LTN1: variants seen among roughly 807,000 people sequenced by gnomAD.
LTN1 encodes E3 ubiquitin-protein ligase listerin.
A neutral mutation model predicts 201.2 loss-of-function variants in LTN1; 88 were observed. That is an observed-to-expected ratio of 0.44 (90% CI 0.37 to 0.52). The LOEUF is 0.52. Among genes scored for constraint, LTN1 ranks in the 20% least tolerant of loss-of-function variants. LTN1 has a pLI of 0.00. For missense variants in LTN1, 1,752 were observed against 2,038.7 expected, an observed-to-expected ratio of 0.86 and a Z score of 2.71; for synonymous variants, 645 against 713.5, an observed-to-expected ratio of 0.90 and a Z score of 1.53.
chr21:28,960,384 AG>A (rs1601189427), intron 12 of LTN1, 132 bp downstream of exon 12: 3 of 647,636 alleles, frequency 4.6e-6, no homozygotes, highest in Non-Finnish European at 7.4e-6. Context: ...AGAAAAGAAA[AG>A]AAAAAAAAAA....
chr21:28,969,706 T>TGC, intron 8 of LTN1, 105 bp from the exon 9 acceptor site: 1 of 713,162 alleles, frequency 1.4e-6, no homozygotes, highest in Non-Finnish European at 2.2e-6. Flanking sequence ...GAAGAAACAT[T>TGC]TTTAAAGCAG....
chr21:28,956,236 G>A (rs2084424635), intron 16 of LTN1, among the ~76,000 whole-genome samples: 1 of 152,024 alleles, frequency 6.6e-6, no homozygotes, highest in African/African-American at 2.4e-5. Flanking sequence ...AGTTAACAAT[G>A]ATTTATATTG....
rs1483356441 is a variant in LTN1 at position 28,966,487 on chromosome 21, A to G, written c.2004T>C (p.Gly668=). The G allele has an allele frequency of 1.9e-6, 3 of 1,614,152 alleles. No homozygotes were observed. Among genetic ancestry groups the G allele is most frequent in the South Asian group, 2.2e-5 (2 of 91,086 alleles). Residue 668 remains glycine (G), a synonymous_variant, in exon 10 of 30, where the codon GGT becomes GGC. Transcript: ENST00000361371. ...CCTTCCTTTGATCTTCATTTAGCCA[A>G]CCTATCAGTTTCTGGTATAAAAACT... ...AVQFLYQKLI[G]WLNEDQRKDF... is the part of the protein sequence containing the mutation.
At chr21:28,966,070 G>A (rs2084519831) in intron 10 of LTN1, among the ~76,000 whole-genome samples, 164 bp from the exon 11 acceptor site, 1 of 152,178 alleles carries the variant, frequency 6.6e-6, no homozygotes, top group Non-Finnish European at 1.5e-5. Flanking sequence ...AACATGCCCA[G>A]CTAAAACTTT....
chr21:28,989,683 A>G (rs983874092), intron 1 of LTN1, among the ~76,000 whole-genome samples: 5 of 152,064 alleles, frequency 3.3e-5, no homozygotes, highest in Admixed American at 6.6e-5. Context: ...TTATGCTGCC[A>G]TCATTCATGC....
intron 5 of LTN1, among the ~76,000 whole-genome samples, chr21:28,982,065 A>G (rs2084662997): frequency 6.6e-6 from 1 of 152,114 alleles, no homozygotes; most frequent in Non-Finnish European, 1.5e-5. Flanking sequence ...AAATACAAAA[A>G]AATTAGCCAG....
intron 6 of LTN1, among the ~76,000 whole-genome samples, chr21:28,971,645 G>A (rs997651444): frequency 1.3e-5 from 2 of 152,312 alleles, no homozygotes; most frequent in Non-Finnish European, 2.9e-5. Flanking sequence ...AAGGCTGAAA[G>A]AATTAATTCA....
chr21:28,958,145 A>G (rs757269739), intron 14 of LTN1, among the ~76,000 whole-genome samples: 2 of 152,196 alleles, frequency 1.3e-5, no homozygotes, highest in Non-Finnish European at 2.9e-5. Context: ...TTGTTACCTA[A>G]CAAGTCACTT....
At chr21:28,971,113 C>T (rs1026708884) in intron 7 of LTN1, among the ~76,000 whole-genome samples, 158 bp downstream of exon 7, 1 of 152,098 alleles carries the variant, frequency 6.6e-6, no homozygotes, top group Non-Finnish European at 1.5e-5. Context: ...ACTGGCAAAA[C>T]AAAATAAAAT....
rs2084336570 is a variant in LTN1, at chr21:28,946,224, T to A, written c.3551A>T (p.Glu1184Val). 1 of 1,589,914 alleles carries A rather than the reference T, an allele frequency of 6.3e-7. No homozygotes were observed. The highest frequency in any genetic ancestry group is 8.6e-7 in the Non-Finnish European group (1 of 1,169,088). ...CLQTKSIDDG[E>V]LLHGILKIII... ...GATTTTTAATATTCCATGTAATAGC[T>A]CTCCATCATCTATACTTTTGGTTTG... Residue 1184 changes from glutamate to valine, a missense_variant, in exon 20 of 30, where the codon GAG becomes GTG. By Grantham distance (121) the Glu-to-Val change is moderately radical (BLOSUM62 -2). Around this residue, in one of 3 missense-constraint regions of LTN1, gnomAD observed 1,211 missense variants for 1,312.8 expected, o/e 0.92. Transcript: ENST00000361371.
chr21:28,989,548 G>A (rs956537119), intron 1 of LTN1, among the ~76,000 whole-genome samples: 1 of 151,426 alleles, frequency 6.6e-6, no homozygotes, highest in African/African-American at 2.4e-5. Flanking sequence ...TGGCAATCCT[G>A]AGTCTACAAA....
Position 28,986,090 on chromosome 21 carries a change from A to G in LTN1, c.345+49T>C, listed in dbSNP as rs2245537. ...TAAATTTGAGAGTCTCCATGACTCCAACCAAAAAATATACAACAGAAATAA... is the reference window on the plus strand; with the variant it reads ...TAAATTTGAGAGTCTCCATGACTCCGACCAAAAAATATACAACAGAAATAA... On this transcript the variant is annotated intron_variant, in intron 3 of 29. Transcript: ENST00000361371. This position sits in a 1 kb window ranked among gnomAD's most constrained non-coding sequence, Gnocchi z 4.1. 28,682 of 1,109,002 alleles carry G rather than the reference A, an allele frequency of 0.026. 1,492 individuals carry two copies. The highest frequency in any genetic ancestry group is 0.18 in the East Asian group (7,681 of 41,822). The allele number at this position is 1,109,002 out of a possible 1,614,324, so 68.7% of individuals were successfully genotyped here.
chr21:28,932,049 T>C (rs1250563440), intron 28 of LTN1, among the ~76,000 whole-genome samples: 1 of 152,176 alleles, frequency 6.6e-6, no homozygotes, highest in African/African-American at 2.4e-5. Context: ...ATACACAATG[T>C]GCACACAGAA....
intron 12 of LTN1, 71 bp downstream of exon 12, chr21:28,960,446 C>A: frequency 8.3e-7 from 1 of 1,210,232 alleles, no homozygotes; most frequent in Non-Finnish European, 1.2e-6. Flanking sequence ...ATAAGCTGAG[C>A]CCCATGCAAT....
rs1365927290 is a variant in LTN1 at position 28,960,559 on chromosome 21, ATCTT to A, written c.2307_2310del (p.Glu769AspfsTer5). ...GATAATACCAAGCTTAGAAGAGTCC[ATCTT>A]TCTGAGAAGTGAGATTCTGAAGATA... On this transcript the variant is annotated frameshift_variant, in exon 12 of 30. Transcript: ENST00000361371. LOFTEE classifies it high-confidence loss of function. 1 of 1,613,860 alleles carries A rather than the reference ATCTT, an allele frequency of 6.2e-7. No homozygotes were observed. Among genetic ancestry groups the A allele is most frequent in the Non-Finnish European group, 8.5e-7 (1 of 1,179,924 alleles).
At position 28,930,746 on chromosome 21, in the gene LTN1, A is replaced by C. The variant is rs552161954; in HGVS notation, c.5239-236T>G. ...ATGCACACAATCACTAAGATATAAG[A>C]AATCTCCTGTGAAACAAATGAACAA... On this transcript the variant is annotated intron_variant, in intron 29 of 29. Coordinates refer to ENST00000361371, the MANE Select transcript of LTN1 (RefSeq NM_015565.3). Among the ~76,000 whole-genome samples, 12 of 152,326 alleles carry C rather than the reference A, an allele frequency of 7.9e-5. No homozygotes were observed. In the South Asian group the frequency reaches 2.5e-3, roughly 32 times the overall value.
intron 1 of LTN1, among the ~76,000 whole-genome samples, chr21:28,992,150 G>A (rs990027304): frequency 5.3e-5 from 8 of 152,348 alleles, no homozygotes; most frequent in African/African-American, 1.9e-4. Context: ...TCACTGAGGT[G>A]TCGAGAGCAA....
intron 1 of LTN1, among the ~76,000 whole-genome samples, chr21:28,987,421 A>T (rs2245728): frequency 0.14 from 22,005 of 152,200 alleles, 1,876 homozygotes; most frequent in African/African-American, 0.24. Flanking sequence ...AAATGAACAA[A>T]TATTTATTAA....
intron 12 of LTN1, chr21:28,959,952 C>A: frequency 6.8e-6 from 2 of 293,042 alleles, no homozygotes; most frequent in Non-Finnish European, 1.3e-5. Context: ...CCCTTTAAGT[C>A]ATGAGTCAAC....
Sources: gnomAD v4.1 joint callset for allele counts (sites outside exome capture counted in the v4.1 genomes callset) on GRCh38, gnomAD v4.1.1 for gene constraint, gnomAD v4.1.1 regional missense constraint, Gnocchi (gnomAD v3.1) non-coding constraint, MANE v1.5 for transcripts, NCBI Gene and HGNC (gene_info 2026-07-23, HGNC 2026-07-21) for gene names.